Variants in CENPC observed in about 807,000 individuals in gnomAD.
CENPC encodes centromere protein C, also known as CENP-C 1.
Under a neutral mutation model 112.1 loss-of-function variants are expected in CENPC, and 63 were observed. The observed-to-expected ratio is 0.56, with a 90% CI of 0.46 to 0.69. The LOEUF (loss-of-function observed/expected upper bound fraction) is 0.69. CENPC is among the 30% of genes least tolerant of loss of function. CENPC has a pLI of 0.00. For synonymous variants in CENPC, 333 were observed against 367.6 expected, an observed-to-expected ratio of 0.91 and a Z score of 1.08; for missense variants, 1,000 against 1,103.8, an observed-to-expected ratio of 0.91 and a Z score of 1.33.
At chr4:67,499,450 G>A (rs1384198247) in intron 12 of CENPC, among the ~76,000 whole-genome samples, 1 of 152,192 alleles carries the variant, frequency 6.6e-6, no homozygotes, top group African/African-American at 2.4e-5. Context: ...GCTCTTTTAT[G>A]TTATGGAAAC....
chr4:67,491,720 C>T (rs1725287624), intron 16 of CENPC, among the ~76,000 whole-genome samples: 1 of 151,960 alleles, frequency 6.6e-6, no homozygotes, highest in African/African-American at 2.4e-5. Context: ...GCTAGTCATC[C>T]TCACAAAGGA....
In CENPC at chr4:67,505,239, A is replaced by C. The variant is rs1368479661; in HGVS notation, c.2097T>G (p.Asn699Lys). 1.9e-6 allele frequency: 3 copies of C among 1,583,514 alleles called. No homozygotes were observed. Among genetic ancestry groups the C allele is most frequent in the African/African-American group, 1.3e-5 (1 of 74,082 alleles). The part of the protein sequence containing the change: ...LNNNYLMSGK[N>K]DVDDEEVHGS... ...CATGAACTTCCTCATCATCCACATC[A>C]TTCTTTCCAGACATTAAATAATTAT... Residue 699 changes from asparagine (N) to lysine (K), a missense_variant, in exon 12 of 19, where the codon AAT (asparagine) becomes AAG (lysine). By Grantham distance (94) the Asn-to-Lys change is moderately conservative. Coordinates refer to ENST00000273853, the MANE Select transcript of CENPC (RefSeq NM_001812.4).
chr4:67,477,184 G>C (rs561300036), intron 17 of CENPC, among the ~76,000 whole-genome samples: 37 of 152,276 alleles, frequency 2.4e-4, no homozygotes, highest in African/African-American at 7.9e-4. Flanking sequence ...ATCAGCAGAT[G>C]CTCTCTTGAA....
intron 10 of CENPC, among the ~76,000 whole-genome samples, chr4:67,508,513 T>TAAAAAAAA (rs34160703): frequency 1.8e-4 from 16 of 91,178 alleles, no homozygotes; most frequent in African/African-American, 3.0e-4. Context: ...CTCTGTCTCT[T>TAAAAAAAA]AAAAAAAAAA....
chr4:67,496,191 A>G (rs985134827), intron 12 of CENPC, among the ~76,000 whole-genome samples: 3 of 152,218 alleles, frequency 2.0e-5, no homozygotes, highest in Non-Finnish European at 4.4e-5. Flanking sequence ...GCCAACCTCA[A>G]TGTCCCAGTT....
At chr4:67,510,855 C>T in intron 9 of CENPC, 1 of 375,436 alleles carries the variant, frequency 2.7e-6, no homozygotes. Flanking sequence ...GATTCCTCCA[C>T]TTTTTCGACT....
At chr4:67,516,173 T>C (rs1726051940) in intron 7 of CENPC, among the ~76,000 whole-genome samples, 1 of 152,024 alleles carries the variant, frequency 6.6e-6, no homozygotes, top group South Asian at 2.1e-4. Context: ...GACTAGTGCA[T>C]TGAGATTACA....
chr4:67,475,365 G>A (rs185648484), intron 17 of CENPC, among the ~76,000 whole-genome samples: 4 of 152,268 alleles, frequency 2.6e-5, no homozygotes, highest in Admixed American at 2.6e-4. Flanking sequence ...ATGACACCCT[G>A]GCCAACAGCC....
chr4:67,539,907 G>A lies in CENPC; in HGVS notation c.164C>T (p.Ser55Phe), dbSNP rs974280057. 1 of 1,526,502 alleles carries A rather than the reference G, an allele frequency of 6.6e-7. No homozygotes were observed. The highest frequency in any genetic ancestry group is 8.8e-7 in the Non-Finnish European group (1 of 1,139,906). 94.6% of individuals were successfully genotyped at this position (1,526,502 alleles called of 1,614,324 possible). ...TGTTGAATTAGGCACTGATTTTGTA[G>A]AATTTGTACTAAAATCATTGGCAAG... Reference protein sequence around the residue: ...KSLANDFSTNSTKSVPNSTRK... With the variant: ...KSLANDFSTNFTKSVPNSTRK... Residue 55 changes from serine to phenylalanine, a missense_variant, in exon 4 of 19, where the codon TCT becomes TTT. Transcript: ENST00000273853.
At chr4:67,492,653 C>T in intron 15 of CENPC, 1 of 722,470 alleles carries the variant, frequency 1.4e-6, no homozygotes, top group Non-Finnish European at 1.9e-6. Flanking sequence ...GAAATTTACT[C>T]ATGAAGAAAT....
intron 5 of CENPC, among the ~76,000 whole-genome samples, chr4:67,525,116 C>A (rs1204481290): frequency 2.0e-5 from 3 of 152,158 alleles, no homozygotes; most frequent in African/African-American, 7.2e-5. Context: ...GGAAAACTGG[C>A]TAGCCATATG....
rs1724661614 is a variant in CENPC at position 67,471,583 on chromosome 4, A to C, written c.*1022T>G. On this transcript the variant is annotated 3_prime_UTR_variant, in exon 19 of 19. Coordinates refer to ENST00000273853, the MANE Select transcript of CENPC (RefSeq NM_001812.4). ...TCAATAAAAGAGAAATCACAATAGA[A>C]AATTATAAAGTATAAAAAAAGAGCC... The C allele has an allele frequency of 6.6e-6, 1 of 152,156 alleles. No individual in the cohort carries two copies. The highest frequency in any genetic ancestry group is 2.4e-5 in the African/African-American group (1 of 41,456). The allele number at this position is 152,156 out of a possible 1,614,324, so 9.4% of individuals were successfully genotyped here.
At chr4:67,527,785 G>A (rs1024617823) in intron 5 of CENPC, among the ~76,000 whole-genome samples, 6 of 151,734 alleles carry the variant, frequency 4.0e-5, no homozygotes, top group Admixed American at 6.6e-5. Context: ...ATAGGCCTAC[G>A]CCACAGTGCT....
chr4:67,516,908 T>C (rs1226966020), intron 7 of CENPC, among the ~76,000 whole-genome samples: 3 of 151,952 alleles, frequency 2.0e-5, no homozygotes, highest in African/African-American at 7.3e-5. Flanking sequence ...CTGGGAATAA[T>C]GAATAGTTAT....
intron 6 of CENPC, among the ~76,000 whole-genome samples, chr4:67,518,969 A>G (rs1397420193): frequency 5.9e-5 from 9 of 152,218 alleles, no homozygotes; most frequent in Non-Finnish European, 1.3e-4. Context: ...AAGCAATCAA[A>G]TATTATCAGA....
intron 5 of CENPC, among the ~76,000 whole-genome samples, chr4:67,526,925 A>T (rs1251679110): frequency 6.6e-6 from 1 of 152,230 alleles, no homozygotes; most frequent in Non-Finnish European, 1.5e-5. Flanking sequence ...GTAGAACTGA[A>T]ATTGCACAGT....
intron 4 of CENPC, among the ~76,000 whole-genome samples, chr4:67,531,241 G>C (rs936831892): frequency 3.3e-5 from 5 of 151,322 alleles, no homozygotes; most frequent in African/African-American, 1.2e-4. Context: ...CGTAACAATG[G>C]AACAAATAAA....
intron 12 of CENPC, among the ~76,000 whole-genome samples, chr4:67,501,815 A>C (rs1007209003): frequency 3.9e-5 from 6 of 152,216 alleles, no homozygotes; most frequent in African/African-American, 1.4e-4. Context: ...ATGATAATAG[A>C]CGTGTATTTA....
In CENPC at chr4:67,487,502, G is replaced by A. The variant is rs567078399; in HGVS notation, c.2670+2465C>T. Among the ~76,000 whole-genome samples, 6 of 151,784 alleles carry A rather than the reference G, an allele frequency of 4.0e-5. No homozygotes were observed. The East Asian group carries it at 1.2e-3, about 29-fold the overall frequency. On this transcript the variant is annotated intron_variant, in intron 17 of 18. Coordinates refer to ENST00000273853, the MANE Select transcript of CENPC (RefSeq NM_001812.4). ...GGTTTCTGATTAGTAGTTTGCTATC[G>A]ATTCCAAGCTCAGTTTCAGGCCTAG... is the stretch of plus-strand genomic sequence containing the variant.
Sources: allele counts gnomAD v4.1 joint callset (sites outside exome capture counted in the v4.1 genomes callset), GRCh38; gene constraint gnomAD v4.1.1; transcripts MANE v1.5; gene names NCBI Gene and HGNC (gene_info 2026-07-23, HGNC 2026-07-21).